Variants in OR3A2 observed in about 807,000 individuals in gnomAD.
OR3A2 encodes olfactory receptor family 3 subfamily A member 2, also known as olfactory receptor 3A2.
For synonymous variants in OR3A2, 126 were observed against 159.3 expected (o/e 0.79, Z 1.57); for missense variants, 318 against 392.8 (o/e 0.81, Z 1.61).
chr17:3,336,351 A>T (rs934781845), intron 2 of OR3A2, among the ~76,000 whole-genome samples: 1 of 152,224 alleles, frequency 6.6e-6, no homozygotes, highest in African/African-American at 2.4e-5. Context: ...AAAACTGAAG[A>T]CAGGATAAAT....
intron 2 of OR3A2, among the ~76,000 whole-genome samples, chr17:3,352,276 T>C (rs1044078826): frequency 1.3e-5 from 2 of 151,942 alleles, no homozygotes; most frequent in Non-Finnish European, 2.9e-5. Context: ...CATTTGTCCA[T>C]TTTTGCTTTG....
chr17:3,306,878 T>A (rs1272944973), intron 3 of OR3A2, among the ~76,000 whole-genome samples: 1 of 152,040 alleles, frequency 6.6e-6, no homozygotes, highest in Non-Finnish European at 1.5e-5. Flanking sequence ...GAACAAAAAT[T>A]GGGTTTATAG....
intron 3 of OR3A2, among the ~76,000 whole-genome samples, chr17:3,293,262 G>GT (rs1466918724): frequency 1.3e-5 from 2 of 151,950 alleles, no homozygotes; most frequent in African/African-American, 4.8e-5. Flanking sequence ...ATAATCCTCT[G>GT]TGACCCTGAA....
chr17:3,375,423 C>T (rs761268993), intron 2 of OR3A2, among the ~76,000 whole-genome samples: 31 of 151,484 alleles, frequency 2.0e-4, no homozygotes, highest in Admixed American at 3.9e-4. Flanking sequence ...CTGCCTCAGC[C>T]TCCCTAGTAG....
At chr17:3,338,413 T>C (rs555478659) in intron 2 of OR3A2, among the ~76,000 whole-genome samples, 8 of 152,336 alleles carry the variant, frequency 5.3e-5, no homozygotes, top group Admixed American at 2.0e-4. Context: ...AGGCCTAATA[T>C]TTAAGTCTTT....
At chr17:3,371,692 G>A (rs2049624327) in intron 2 of OR3A2, among the ~76,000 whole-genome samples, 1 of 144,352 alleles carries the variant, frequency 6.9e-6, no homozygotes, top group Non-Finnish European at 1.5e-5. Context: ...GGCCGGGCGG[G>A]GGTGCTGACC....
chr17:3,290,519 C>A (rs964773291), intron 3 of OR3A2, among the ~76,000 whole-genome samples: 1 of 152,160 alleles, frequency 6.6e-6, no homozygotes, highest in Non-Finnish European at 1.5e-5. Flanking sequence ...CAATCCCTCA[C>A]CCCCATAAAA....
intron 3 of OR3A2, among the ~76,000 whole-genome samples, chr17:3,328,148 A>G (rs1714528445): frequency 7.0e-6 from 1 of 142,716 alleles, no homozygotes; most frequent in African/African-American, 2.8e-5. Flanking sequence ...TACCTTGCGC[A>G]GTATGGCCAT....
chr17:3,290,825 A>G (rs1463560532), intron 3 of OR3A2, among the ~76,000 whole-genome samples: 1 of 152,226 alleles, frequency 6.6e-6, no homozygotes, highest in Non-Finnish European at 1.5e-5. Context: ...TAAGAGTGAG[A>G]GTTTTGGAGA....
intron 3 of OR3A2, among the ~76,000 whole-genome samples, chr17:3,293,486 T>C (rs901005089): frequency 6.6e-6 from 1 of 152,190 alleles, no homozygotes; most frequent in Non-Finnish European, 1.5e-5. Flanking sequence ...AAACATGTCT[T>C]AGACTTGCAA....
chr17:3,287,807 A>C (rs2048827156), upstream of OR3A2, among the ~76,000 whole-genome samples: 1 of 151,866 alleles, frequency 6.6e-6, no homozygotes, highest in Non-Finnish European at 1.5e-5. Context: ...CTTTTGCTGA[A>C]TTTATGTTTT....
chr17:3,344,603 C>A (rs1442515307), intron 2 of OR3A2, among the ~76,000 whole-genome samples: 1 of 152,168 alleles, frequency 6.6e-6, no homozygotes, highest in African/African-American at 2.4e-5. Flanking sequence ...GGCACTACTG[C>A]CACTTATAGT....
intron 2 of OR3A2, among the ~76,000 whole-genome samples, chr17:3,347,871 A>C (rs1013186215): frequency 1.3e-5 from 2 of 152,192 alleles, no homozygotes; most frequent in Non-Finnish European, 2.9e-5. Context: ...ACAGTGTAAA[A>C]GTGTTCCTAT....
chr17:3,336,148 A>G (rs2150644946), intron 2 of OR3A2, 22 bp from the exon 2 acceptor site: 1 of 152,402 alleles, frequency 6.6e-6, no homozygotes, highest in East Asian at 1.9e-4. Context: ...ATGACAGGTC[A>G]TCAGCCCTGC....
intron 3 of OR3A2, among the ~76,000 whole-genome samples, chr17:3,304,976 G>A (rs1420774433): frequency 6.6e-6 from 1 of 152,142 alleles, no homozygotes; most frequent in African/African-American, 2.4e-5. Flanking sequence ...GAAAAAATCA[G>A]AACAATAATT....
intron 3 of OR3A2, among the ~76,000 whole-genome samples, chr17:3,319,396 T>A (rs1041933948): frequency 1.3e-5 from 2 of 152,164 alleles, no homozygotes; most frequent in Non-Finnish European, 2.9e-5. Flanking sequence ...ATTATTATAC[T>A]TTAAGTTTTA....
chr17:3,339,206 T>G (rs1337311133), intron 2 of OR3A2, among the ~76,000 whole-genome samples: 4 of 152,242 alleles, frequency 2.6e-5, no homozygotes, highest in Non-Finnish European at 5.9e-5. Flanking sequence ...AATCATGTCC[T>G]CTGCAAACAG....
intron 3 of OR3A2, among the ~76,000 whole-genome samples, chr17:3,318,369 G>A (rs1001793670): frequency 6.6e-6 from 1 of 152,174 alleles, no homozygotes; most frequent in Non-Finnish European, 1.5e-5. Context: ...TAGTGATGGG[G>A]GAGTTCAGTA....
rs201085407 is a variant in OR3A2 at position 3,291,948 on chromosome 17, G to T, written c.-84-12795C>A. On this transcript the variant is annotated intron_variant, in intron 3 of 4. Transcript: ENST00000573491. ...GGAGATGACAATGAGAGCCATGGGGGTACCTGCCATTATAAAACCCACAGC... is the reference window on the plus strand; with the variant it reads ...GGAGATGACAATGAGAGCCATGGGGTTACCTGCCATTATAAAACCCACAGC... The T allele has an allele frequency of 2.5e-6, 4 of 1,614,218 alleles. No individual in the cohort carries two copies. In the South Asian group the frequency reaches 3.3e-5, roughly 13 times the overall value.
Sources: gnomAD v4.1 joint callset for allele counts (sites outside exome capture counted in the v4.1 genomes callset) on GRCh38, gnomAD v4.1.1 for gene constraint, MANE v1.5 for transcripts, NCBI Gene and HGNC (gene_info 2026-07-23, HGNC 2026-07-21) for gene names.